The following ANK3 variants were observed in gnomAD, a reference collection of about 807,000 sequenced individuals.
ANK3 encodes ankyrin-3.
ANK3 carries 57 observed loss-of-function variants against 370.9 expected under a neutral mutation model. The observed-to-expected ratio is 0.15, with a 90% CI of 0.12 to 0.19. The LOEUF (loss-of-function observed/expected upper bound fraction) is 0.19. Among genes scored for constraint, ANK3 ranks in the 10% least tolerant of loss-of-function variants. ANK3 has a pLI of 1.00. For missense variants in ANK3, 4,439 were observed against 5,302.1 expected (o/e 0.84, Z 5.06); for synonymous variants, 1,929 against 1,946.3 (o/e 0.99, Z 0.23).
At chr10:60,692,940 G>A (rs10994472) in intron 1 of ANK3, among the ~76,000 whole-genome samples, 1,643 of 152,284 alleles carry the variant, frequency 0.011, 28 homozygotes, top group African/African-American at 0.037. Context: ...ATGTGATGTA[G>A]GCTTCTTAAG....
At position 60,027,309 on chromosome 10, in the gene ANK3, A is replaced by ATTT. The variant is rs1564475126; in HGVS notation, c.*2536_*2537insAAA. ...AAGTTTTTTTTTTTTTTTTTTTTTA[A>ATTT]AAAAAAAACCTCTCAAGGGTCTAAC... On this transcript the variant is annotated 3_prime_UTR_variant, in exon 44 of 44. Coordinates refer to ENST00000280772, the MANE Select transcript of ANK3 (RefSeq NM_020987.5). 2 of 99,922 alleles carry ATTT rather than the reference A, an allele frequency of 2.0e-5. No homozygotes were observed. The highest frequency in any genetic ancestry group is 2.2e-5 in the Non-Finnish European group (1 of 45,342). 6.2% of individuals were successfully genotyped at this position (99,922 alleles called of 1,614,324 possible).
intron 2 of ANK3, among the ~76,000 whole-genome samples, chr10:60,422,648 A>G (rs1034319352): frequency 5.9e-5 from 9 of 152,070 alleles, no homozygotes; most frequent in Non-Finnish European, 7.4e-5. Flanking sequence ...TGGTTCATAA[A>G]CATAGCCTAT....
chr10:60,174,935 G>C (rs1457095635), intron 18 of ANK3, among the ~76,000 whole-genome samples: 1 of 152,036 alleles, frequency 6.6e-6, no homozygotes, highest in Non-Finnish European at 1.5e-5. Flanking sequence ...GCCTAGGCTG[G>C]TCTCAAACTC....
rs771634207 is a variant in ANK3 at position 60,085,252 on chromosome 10, C to G, written c.3750G>C (p.Gly1250=). The change falls in exon 31 of 44, where the codon GGG becomes GGC. Residue 1250 remains glycine, a splice_region_variant and synonymous_variant. Coordinates refer to ENST00000280772, the MANE Select transcript of ANK3 (RefSeq NM_020987.5). ...CTTCCCACTGAGCAGGCGAAGTGCC[C>G]CCTGAGAGAACAACAGCAGATATGT... ...PNLRLLCSIT[G]GTSPAQWEDI... is the part of the protein sequence containing the mutation. The G allele has an allele frequency of 6.2e-7, 1 of 1,608,452 alleles. No individual in the cohort carries two copies. The highest frequency in any genetic ancestry group is 2.2e-5 in the East Asian group (1 of 44,722).
At chr10:60,120,876 T>C (rs965527944) in intron 25 of ANK3, among the ~76,000 whole-genome samples, 4 of 152,198 alleles carry the variant, frequency 2.6e-5, no homozygotes, top group South Asian at 4.1e-4. Flanking sequence ...TTGGTGGGAA[T>C]GTAACCACCA....
chr10:60,140,388 C>CA (rs2094510327), intron 23 of ANK3: 1 of 1,613,736 alleles, frequency 6.2e-7, no homozygotes, highest in Middle Eastern at 1.7e-4. Context: ...CTTGGATGAT[C>CA]AAATGTTTTC....
intron 38 of ANK3, among the ~76,000 whole-genome samples, chr10:60,067,512 C>T (rs2081893932): frequency 1.3e-5 from 2 of 152,086 alleles, no homozygotes; most frequent in African/African-American, 4.8e-5. Flanking sequence ...GCAGCCTAGG[C>T]GTGGGTTAAT....
chr10:60,348,347 C>CAAAAAAA (rs35147179), intron 1 of ANK3, among the ~76,000 whole-genome samples: 3 of 68,148 alleles, frequency 4.4e-5, no homozygotes, highest in Admixed American at 1.8e-4. Context: ...TATCACTAGC[C>CAAAAAAA]AAAAAAAAAA....
At position 60,697,484 on chromosome 10, in the gene ANK3, C is replaced by T. The variant is rs1379916105; in HGVS notation, c.57+35779G>A. ...CAAAAGAACAAAGCTGGAGGCATCA[C>T]GCTACCTGACTTCAAACTATACTTC... On this transcript the variant is annotated intron_variant, in intron 1 of 43. Transcript: ENST00000373827. 5.4e-5 allele frequency among the ~76,000 whole-genome samples: 8 copies of T among 148,734 alleles called. No individual in the cohort carries two copies. In the South Asian group the frequency reaches 6.6e-4, roughly 12 times the overall value.
At chr10:60,468,038 G>A (rs2065049283) in intron 2 of ANK3, among the ~76,000 whole-genome samples, 1 of 147,782 alleles carries the variant, frequency 6.8e-6, no homozygotes, top group Admixed American at 6.8e-5. Context: ...AGGCTAGAGT[G>A]CAGTGGCATG....
At chr10:60,202,130 A>T (rs1462022527) in intron 12 of ANK3, among the ~76,000 whole-genome samples, 1 of 151,232 alleles carries the variant, frequency 6.6e-6, no homozygotes, top group African/African-American at 2.4e-5. Flanking sequence ...TTTATTTATT[A>T]TTTTTTTTGA....
At chr10:60,055,063 AATC>A (rs1451535054) in intron 42 of ANK3, among the ~76,000 whole-genome samples, 3 of 152,222 alleles carry the variant, frequency 2.0e-5, no homozygotes, top group Non-Finnish European at 4.4e-5. Flanking sequence ...ATGTTAAGAC[AATC>A]ATCATCAACT....
At chr10:60,307,232 C>A (rs922121365) in intron 1 of ANK3, among the ~76,000 whole-genome samples, 3 of 152,208 alleles carry the variant, frequency 2.0e-5, no homozygotes, top group Non-Finnish European at 4.4e-5. Context: ...GTTTGGCCAA[C>A]AAAACCTAAA....
At chr10:60,701,905 T>C (rs2079550036) in intron 1 of ANK3, among the ~76,000 whole-genome samples, 1 of 152,124 alleles carries the variant, frequency 6.6e-6, no homozygotes, top group Non-Finnish European at 1.5e-5. Context: ...GGAAATAAGA[T>C]AGAAGGAAGA....
chr10:60,517,468 G>A (rs1218069281), intron 2 of ANK3, among the ~76,000 whole-genome samples: 1 of 152,054 alleles, frequency 6.6e-6, no homozygotes, highest in Non-Finnish European at 1.5e-5. Flanking sequence ...CATCTGAAAC[G>A]AGGTTACCCA....
At chr10:60,227,179 C>T (rs948697292) in intron 8 of ANK3, among the ~76,000 whole-genome samples, 10 of 151,916 alleles carry the variant, frequency 6.6e-5, no homozygotes, top group Admixed American at 1.3e-4. Flanking sequence ...GATATAAATA[C>T]CTTTTTTACT....
rs774820533 is a variant in ANK3, at chr10:60,186,751, G to A, written c.2049C>T (p.Leu683=). 8 of 1,613,982 alleles carry A rather than the reference G, an allele frequency of 5.0e-6. No homozygotes were observed. The African/African-American group carries it at 9.3e-5, about 19-fold the overall frequency. Residue 683 remains leucine (L), a synonymous_variant, in exon 17 of 44, where the codon CTC becomes CTT. Transcript: ENST00000280772. Reference sequence around the variant, plus strand: ...GGTTCACATTCGCATTTCTACCGAGGAGCAGCGACACCATGTCCACGTGCC... The same window carrying A: ...GGTTCACATTCGCATTTCTACCGAGAAGCAGCGACACCATGTCCACGTGCC... ...QEGHVDMVSL[L]LGRNANVNLS...
At chr10:60,090,116 A>C (rs1314539873) in intron 28 of ANK3, among the ~76,000 whole-genome samples, 1 of 152,192 alleles carries the variant, frequency 6.6e-6, no homozygotes, top group East Asian at 1.9e-4. Context: ...CAGGAGTTCA[A>C]GACCAGCCGG....
intron 1 of ANK3, among the ~76,000 whole-genome samples, chr10:60,704,795 G>C (rs1405800550): frequency 6.6e-6 from 1 of 152,120 alleles, no homozygotes; most frequent in Non-Finnish European, 1.5e-5. Context: ...ATCATGGTGG[G>C]ACAATTACAA....
Sources: allele counts gnomAD v4.1 joint callset (sites outside exome capture counted in the v4.1 genomes callset), GRCh38; gene constraint gnomAD v4.1.1; transcripts MANE v1.5; gene names NCBI Gene and HGNC (gene_info 2026-07-23, HGNC 2026-07-21).